Variants in TTLL2 observed in about 807,000 individuals in gnomAD.
The protein encoded by TTLL2 is tubulin tyrosine ligase like 2.
TTLL2 carries 10 observed loss-of-function variants against 7.5 expected under a neutral mutation model. That is an observed-to-expected ratio of 1.33 (90% CI 0.82 to 2.25). TTLL2 has a LOEUF of 2.25. TTLL2 is among the 30% of genes most tolerant of loss of function. The probability of loss-of-function intolerance (pLI) is 0.00; values close to 1 mark genes in which losing one functional copy is unlikely to be tolerated. For missense variants in TTLL2, 733 were observed against 735.7 expected (o/e 1.00, Z 0.04); for synonymous variants, 284 against 280.3 (o/e 1.01, Z -0.13).
At position 167,340,907 on chromosome 6, in the gene TTLL2, TG is replaced by T; in HGVS notation, c.1009del (p.Asp337ThrfsTer39). ...TTTTCCTACCTTCGTAGCTGGGATG[TG>T]GACGATCTGCTTTTGTGGAAGAAAA... ...RFFSYLRSWD[V>X]DDLLLWKKIH... On this transcript the variant is annotated frameshift_variant, in exon 3 of 3. Transcript: ENST00000239587. LOFTEE classifies it low-confidence loss of function (END_TRUNC). 1 of 1,614,192 alleles carries T rather than the reference TG, an allele frequency of 6.2e-7. No individual in the cohort carries two copies. The highest frequency in any genetic ancestry group is 2.2e-5 in the East Asian group (1 of 44,882).
chr6:167,339,345 T>G (rs996870905), intron 2 of TTLL2, among the ~76,000 whole-genome samples: 1 of 152,196 alleles, frequency 6.6e-6, no homozygotes, highest in Admixed American at 6.5e-5. Context: ...ACAACACACT[T>G]CATCATCAGT....
chr6:167,331,538 A>G (rs1232432192), intron 1 of TTLL2, among the ~76,000 whole-genome samples: 1 of 152,016 alleles, frequency 6.6e-6, no homozygotes, highest in Non-Finnish European at 1.5e-5. Context: ...GGCTTATTTC[A>G]TTTTATGTAA....
chr6:167,338,772 G>A lies in TTLL2; in HGVS notation c.173G>A (p.Arg58Gln), dbSNP rs148897232. The A allele has an allele frequency of 4.6e-5, 74 of 1,613,140 alleles. No homozygotes were observed. Among genetic ancestry groups the A allele is most frequent in the Non-Finnish European group, 5.7e-5 (67 of 1,179,434 alleles). Residue 58 changes from arginine to glutamine, a missense_variant, in exon 2 of 3, where the codon CGA (arginine) becomes CAA (glutamine). Transcript: ENST00000239587. ...GCAGGTGTTTCCATCCCTCCCAGGCGAGGCCGCCCAACACCAACACTGGAG... is the reference window on the plus strand; with the variant it reads ...GCAGGTGTTTCCATCCCTCCCAGGCAAGGCCGCCCAACACCAACACTGGAG... ...QEAGVSIPPRRGRPTPTLEKK... is the reference protein window; with the variant it reads ...QEAGVSIPPRQGRPTPTLEKK...
intron 1 of TTLL2, among the ~76,000 whole-genome samples, chr6:167,334,530 G>T (rs1265521857): frequency 6.6e-6 from 1 of 151,858 alleles, no homozygotes; most frequent in East Asian, 1.9e-4. Flanking sequence ...TAAGCCAAAA[G>T]AACAAAGCTG....
rs1433618827 is a variant in TTLL2 at position 167,341,019 on chromosome 6, T to C, written c.1119T>C (p.Asp373=). The change falls in exon 3 of 3, where the codon GAT becomes GAC. Residue 373 remains aspartate, a synonymous_variant. Transcript: ENST00000239587. ...ATTGCTTTGAGCTCTTTGGGTTTGA[T>C]ATTTTGATTGATGACAACTTGAAAC... ...AANCFELFGF[D]ILIDDNLKPW... 1.7e-5 allele frequency: 28 copies of C among 1,614,156 alleles called. No individual in the cohort carries two copies. The highest frequency in any genetic ancestry group is 2.1e-5 in the Non-Finnish European group (25 of 1,180,028).
intron 1 of TTLL2, among the ~76,000 whole-genome samples, chr6:167,336,794 A>T (rs982371968): frequency 2.0e-5 from 3 of 152,188 alleles, no homozygotes; most frequent in African/African-American, 7.2e-5. Context: ...GGCAAACTCC[A>T]CCACTACAGC....
chr6:167,325,258 C>T, intron 1 of TTLL2, 38 bp downstream of exon 1: 1 of 1,501,424 alleles, frequency 6.7e-7, no homozygotes, highest in Non-Finnish European at 8.9e-7. Context: ...GGGAGGGTGG[C>T]CCCGATCATG....
intron 1 of TTLL2, among the ~76,000 whole-genome samples, chr6:167,330,567 C>CA (rs67587383): frequency 0.29 from 42,581 of 148,848 alleles, 5,973 homozygotes; most frequent in South Asian, 0.36. Context: ...CTCACAACAA[C>CA]AAAAAAAAAG....
At position 167,340,181 on chromosome 6, in the gene TTLL2, C is replaced by T. The variant is rs776845056; in HGVS notation, c.281C>T (p.Thr94Ile). The change falls in exon 3 of 3, where the codon ACC becomes ATC. Residue 94 changes from threonine to isoleucine, a missense_variant. Coordinates refer to ENST00000239587, the MANE Select transcript of TTLL2 (RefSeq NM_031949.5). ...LKPLVFRVDE[T>I]TPAVVQSVLL... ...CCGCTGGTTTTTCGCGTTGACGAGA[C>T]CACCCCGGCTGTGGTGCAAAGCGTC... 3 of 1,613,166 alleles carry T rather than the reference C, an allele frequency of 1.9e-6. No homozygotes were observed. The highest frequency in any genetic ancestry group is 2.2e-5 in the East Asian group (1 of 44,880).
intron 1 of TTLL2, among the ~76,000 whole-genome samples, chr6:167,330,131 T>A (rs767057967): frequency 6.6e-6 from 1 of 152,118 alleles, no homozygotes. Flanking sequence ...TAGCCATAAA[T>A]CTCCTGGCTT....
chr6:167,329,500 T>A (rs1778893532), intron 1 of TTLL2, among the ~76,000 whole-genome samples: 1 of 152,188 alleles, frequency 6.6e-6, no homozygotes, highest in Admixed American at 6.5e-5. Context: ...TTGACAGGTG[T>A]CCCAGCTTCT....
chr6:167,340,188 G>T lies in TTLL2; in HGVS notation c.288G>T (p.Pro96=), dbSNP rs138704693. 6.2e-7 allele frequency: 1 copy of T among 1,613,862 alleles called. No individual in the cohort carries two copies. The highest frequency in any genetic ancestry group is 8.5e-7 in the Non-Finnish European group (1 of 1,179,918). Residue 96 remains proline, a synonymous_variant, in exon 3 of 3, where the codon CCG becomes CCT. Transcript: ENST00000239587. ...TTTTTCGCGTTGACGAGACCACCCC[G>T]GCTGTGGTGCAAAGCGTCCTCCTGG... is the stretch of plus-strand genomic sequence containing the variant. ...PLVFRVDETT[P]AVVQSVLLER...
rs377304040 is a variant in TTLL2 at position 167,341,426 on chromosome 6, C to T, written c.1526C>T (p.Pro509Leu). 3.7e-6 allele frequency: 6 copies of T among 1,613,792 alleles called. No homozygotes were observed. The African/African-American group carries it at 6.7e-5, about 18-fold the overall frequency. The change falls in exon 3 of 3, where the codon CCC becomes CTC. Residue 509 changes from proline (P) to leucine (L), a missense_variant. Coordinates refer to ENST00000239587, the MANE Select transcript of TTLL2 (RefSeq NM_031949.5). ...ACAAGGGAGATGCCACAAAGCAAGCCCAAGTTACGGAGCAGGCACACGCCT... is the reference window on the plus strand; with the variant it reads ...ACAAGGGAGATGCCACAAAGCAAGCTCAAGTTACGGAGCAGGCACACGCCT... ...LSTREMPQSK[P>L]KLRSRHTPHK...
chr6:167,326,717 A>G (rs1002411907), intron 1 of TTLL2, among the ~76,000 whole-genome samples: 2 of 152,126 alleles, frequency 1.3e-5, no homozygotes, highest in Non-Finnish European at 2.9e-5. Context: ...AAACATCATG[A>G]ATTTTTTGTG....
rs764348283 is a variant in TTLL2, at chr6:167,340,869, G to A, written c.969G>A (p.Thr323=). 38 of 1,614,010 alleles carry A rather than the reference G, an allele frequency of 2.4e-5. No individual in the cohort carries two copies. Among genetic ancestry groups the A allele is most frequent in the Non-Finnish European group, 3.0e-5 (35 of 1,180,032 alleles). ...TGATTGGTCATGGTTGTAAATGGAC[G>A]CTCAGCAGATTTTTTTCCTACCTTC... is the stretch of plus-strand genomic sequence containing the variant. ...KEVIGHGCKW[T]LSRFFSYLRS... The change falls in exon 3 of 3, where the codon ACG becomes ACA. Residue 323 remains threonine, a synonymous_variant. Transcript: ENST00000239587.
At chr6:167,336,731 A>G (rs1242777563) in intron 1 of TTLL2, among the ~76,000 whole-genome samples, 1 of 152,164 alleles carries the variant, frequency 6.6e-6, no homozygotes, top group Non-Finnish European at 1.5e-5. Flanking sequence ...ATTGCACTGA[A>G]GAGCTTGTGG....
intron 1 of TTLL2, among the ~76,000 whole-genome samples, chr6:167,325,611 G>A (rs1332516386): frequency 6.6e-6 from 1 of 152,148 alleles, no homozygotes; most frequent in Admixed American, 6.5e-5. Flanking sequence ...TTGAATGGCC[G>A]CTGTGCTCTG....
At position 167,340,460 on chromosome 6, in the gene TTLL2, A is replaced by G; in HGVS notation, c.560A>G (p.Asp187Gly). Residue 187 changes from aspartate (D) to glycine (G), a missense_variant, in exon 3 of 3, where the codon GAC becomes GGC. Transcript: ENST00000239587. ...FIPLTFVMPN[D>G]YTKFVAEYFQ... ...CCCCTGACGTTCGTCATGCCCAATG[A>G]CTATACCAAGTTCGTGGCTGAATAC... 6.2e-7 allele frequency: 1 copy of G among 1,614,076 alleles called. No individual in the cohort carries two copies. Among genetic ancestry groups the G allele is most frequent in the Non-Finnish European group, 8.5e-7 (1 of 1,180,018 alleles).
chr6:167,338,397 C>T (rs1779020350), intron 1 of TTLL2, among the ~76,000 whole-genome samples: 1 of 151,908 alleles, frequency 6.6e-6, no homozygotes, highest in African/African-American at 2.4e-5. Flanking sequence ...ACACACAATA[C>T]ACACAACATG....
Sources: gnomAD v4.1 joint callset for allele counts (sites outside exome capture counted in the v4.1 genomes callset) on GRCh38, gnomAD v4.1.1 for gene constraint, MANE v1.5 for transcripts, NCBI Gene and HGNC (gene_info 2026-07-23, HGNC 2026-07-21) for gene names.